CTNND2: variants seen among roughly 807,000 people sequenced by gnomAD.
CTNND2 encodes catenin delta-2.
Under a neutral mutation model 144.4 loss-of-function variants are expected in CTNND2, and 22 were observed. That is an observed-to-expected ratio of 0.15 (90% CI 0.11 to 0.22). The LOEUF is 0.22. Ranked by LOEUF, CTNND2 falls within the 10% of genes least tolerant of loss-of-function variation. CTNND2 has a pLI of 1.00. For synonymous variants in CTNND2, 751 were observed against 695.6 expected, an observed-to-expected ratio of 1.08 and a Z score of -1.25; for missense variants, 1,353 against 1,618.8, an observed-to-expected ratio of 0.84 and a Z score of 2.82.
intron 9 of CTNND2, among the ~76,000 whole-genome samples, chr5:11,241,045 TGCA>T (rs1202742734): frequency 7.7e-6 from 1 of 129,600 alleles, no homozygotes; most frequent in Non-Finnish European, 1.7e-5. Flanking sequence ...CCAACACACA[TGCA>T]CACACACCAC....
chr5:11,133,495 G>T (rs1052788744), intron 12 of CTNND2, among the ~76,000 whole-genome samples: 1 of 152,110 alleles, frequency 6.6e-6, no homozygotes, highest in Non-Finnish European at 1.5e-5. Context: ...TGGGATTACA[G>T]GCATGCACCA....
Position 11,897,720 on chromosome 5 carries a change from C to T in CTNND2, c.37+6097G>A, listed in dbSNP as rs111348784. 8.0e-4 allele frequency among the ~76,000 whole-genome samples: 122 copies of T among 152,252 alleles called. 4 individuals are homozygous for T. Among genetic ancestry groups the T allele is most frequent in the African/African-American group, 2.8e-3 (118 of 41,552 alleles). ...GCTACAAATCAACCAGGGCATTAGA[C>T]GCTACCTTGATAACTCTTGATGTAG... On this transcript the variant is annotated intron_variant, in intron 1 of 21. Transcript: ENST00000304623.
chr5:11,434,138 C>A (rs769039146), intron 3 of CTNND2, among the ~76,000 whole-genome samples: 2 of 152,168 alleles, frequency 1.3e-5, no homozygotes, highest in Non-Finnish European at 2.9e-5. Context: ...AGCTACTCAG[C>A]AATGTACAGG....
intron 2 of CTNND2, among the ~76,000 whole-genome samples, chr5:11,625,850 T>C (rs1321601461): frequency 2.0e-5 from 3 of 152,182 alleles, no homozygotes; most frequent in African/African-American, 7.2e-5. Context: ...ATAAGTATCT[T>C]AAAATTGGTC....
intron 17 of CTNND2, 39 bp from the exon 18 acceptor site, chr5:11,018,097 G>T: frequency 7.4e-7 from 1 of 1,346,562 alleles, no homozygotes; most frequent in South Asian, 1.2e-5. Flanking sequence ...ATGTGAGTGG[G>T]ACAGCTGTGT....
intron 2 of CTNND2, among the ~76,000 whole-genome samples, chr5:11,589,959 C>T (rs1344825231): frequency 2.0e-5 from 3 of 151,982 alleles, no homozygotes; most frequent in Non-Finnish European, 2.9e-5. Flanking sequence ...TGAAGGGAAA[C>T]ACTAGTCTTC....
chr5:11,748,068 C>A (rs545503529), intron 1 of CTNND2, among the ~76,000 whole-genome samples: 2 of 152,274 alleles, frequency 1.3e-5, no homozygotes, highest in East Asian at 3.9e-4. Context: ...CCTATCACAA[C>A]AGAGACTGTA....
chr5:11,706,713 C>T (rs1371847677), intron 2 of CTNND2, among the ~76,000 whole-genome samples: 2 of 152,136 alleles, frequency 1.3e-5, no homozygotes, highest in Non-Finnish European at 2.9e-5. Context: ...CATAGCATTT[C>T]TGAGATTTGC....
At chr5:11,309,820 T>C (rs182662681) in intron 9 of CTNND2, among the ~76,000 whole-genome samples, 77 of 152,248 alleles carry the variant, frequency 5.1e-4, no homozygotes, top group African/African-American at 1.6e-3. Flanking sequence ...TGGGAGGTGA[T>C]TGGATCATGG....
At chr5:11,476,296 G>A (rs1167437330) in intron 3 of CTNND2, among the ~76,000 whole-genome samples, 1 of 152,118 alleles carries the variant, frequency 6.6e-6, no homozygotes, top group Non-Finnish European at 1.5e-5. Context: ...GTGTTCACCT[G>A]TAATTACCAA....
At chr5:11,439,537 CTTTT>C (rs969778406) in intron 3 of CTNND2, among the ~76,000 whole-genome samples, 12 of 152,068 alleles carry the variant, frequency 7.9e-5, no homozygotes, top group Non-Finnish European at 1.8e-4. Flanking sequence ...CAAACCACGA[CTTTT>C]TTCTTTTTGA....
In CTNND2 at chr5:11,674,251, A is replaced by G. The variant is rs181154935; in HGVS notation, c.174+57885T>C. ...GGCTTTCAAAATTATAGCAAGGTTA[A>G]AAGACAGTATATGAGATAAAAATAT... On this transcript the variant is annotated intron_variant, in intron 2 of 21. Transcript: ENST00000304623. 1.3e-3 allele frequency among the ~76,000 whole-genome samples: 199 copies of G among 152,360 alleles called. 2 individuals are homozygous for G. In the Middle Eastern group the frequency reaches 0.037, roughly 29 times the overall value.
At chr5:11,075,084 T>C (rs767477922) in intron 16 of CTNND2, among the ~76,000 whole-genome samples, 17 of 152,190 alleles carry the variant, frequency 1.1e-4, no homozygotes, top group Admixed American at 1.3e-4. Flanking sequence ...CTTATTTTGT[T>C]CCTGATTTTG....
At chr5:11,132,216 G>A (rs1208449298) in intron 12 of CTNND2, among the ~76,000 whole-genome samples, 1 of 152,212 alleles carries the variant, frequency 6.6e-6, no homozygotes, top group Non-Finnish European at 1.5e-5. Context: ...GTACTTAGAA[G>A]AGGGAGTCAC....
At chr5:11,730,711 T>C (rs1213577793) in intron 2 of CTNND2, among the ~76,000 whole-genome samples, 1 of 152,264 alleles carries the variant, frequency 6.6e-6, no homozygotes, top group Non-Finnish European at 1.5e-5. Context: ...AGTATTGTGA[T>C]GATACTAAGC....
intron 16 of CTNND2, among the ~76,000 whole-genome samples, chr5:11,041,019 C>A (rs1184866052): frequency 6.6e-6 from 1 of 152,170 alleles, no homozygotes; most frequent in Non-Finnish European, 1.5e-5. Flanking sequence ...ATCAGTGTTT[C>A]TCTGAAGAAA....
chr5:11,251,014 C>G (rs2149932457), intron 9 of CTNND2, among the ~76,000 whole-genome samples: 1 of 152,108 alleles, frequency 6.6e-6, no homozygotes, highest in African/African-American at 2.4e-5. Flanking sequence ...TCCATAGCAG[C>G]AAACTGAAGC....
At chr5:11,442,210 A>G (rs1210803350) in intron 3 of CTNND2, among the ~76,000 whole-genome samples, 1 of 152,140 alleles carries the variant, frequency 6.6e-6, no homozygotes, top group Non-Finnish European at 1.5e-5. Context: ...GCATCTTATT[A>G]TTTTATAAAA....
chr5:11,524,036 T>C (rs1772994022), intron 3 of CTNND2, among the ~76,000 whole-genome samples: 2 of 152,198 alleles, frequency 1.3e-5, no homozygotes, highest in African/African-American at 4.8e-5. Flanking sequence ...GAAATGCTTG[T>C]TAAGGAAAAA....
Sources: gnomAD v4.1 joint callset for allele counts (sites outside exome capture counted in the v4.1 genomes callset) on GRCh38, gnomAD v4.1.1 for gene constraint, MANE v1.5 for transcripts, NCBI Gene and HGNC (gene_info 2026-07-23, HGNC 2026-07-21) for gene names.